The following CNTNAP2 variants were observed in gnomAD, a reference collection of about 807,000 sequenced individuals.
CNTNAP2 encodes contactin associated protein 2, also known as contactin-associated protein-like 2.
A neutral mutation model predicts 155.2 loss-of-function variants in CNTNAP2; 98 were observed. The ratio of observed to expected loss-of-function variants is 0.63; its 90% confidence interval spans 0.54 to 0.75. The LOEUF (loss-of-function observed/expected upper bound fraction) is 0.75, where lower values mean the gene tolerates loss of function less well. Among genes scored for constraint, CNTNAP2 ranks in the 30% least tolerant of loss-of-function variants. CNTNAP2 has a pLI of 0.00. For synonymous variants in CNTNAP2, 651 were observed against 631.2 expected (o/e 1.03, Z -0.47); for missense variants, 1,727 against 1,688.1 (o/e 1.02, Z -0.40).
At chr7:146,806,893 T>A (rs1802977032) in intron 2 of CNTNAP2, among the ~76,000 whole-genome samples, 1 of 152,194 alleles carries the variant, frequency 6.6e-6, no homozygotes, top group Admixed American at 6.5e-5. Flanking sequence ...TTCTGTTTTA[T>A]CTGTAAAAGT....
intron 22 of CNTNAP2, among the ~76,000 whole-genome samples, chr7:148,387,161 T>G (rs1799230175): frequency 6.6e-6 from 1 of 152,186 alleles, no homozygotes; most frequent in Non-Finnish European, 1.5e-5. Context: ...CAAGAAGGCT[T>G]CTTTCTGCAC....
At chr7:147,447,434 G>C (rs934810322) in intron 10 of CNTNAP2, among the ~76,000 whole-genome samples, 1 of 152,080 alleles carries the variant, frequency 6.6e-6, no homozygotes, top group Non-Finnish European at 1.5e-5. Context: ...GGTTTGTTTT[G>C]AGATGGAGTC....
intron 13 of CNTNAP2, among the ~76,000 whole-genome samples, chr7:147,869,835 T>C (rs1385034704): frequency 6.6e-6 from 1 of 152,206 alleles, no homozygotes; most frequent in Non-Finnish European, 1.5e-5. Flanking sequence ...CAACTTACAA[T>C]TTAACCTAGA....
intron 22 of CNTNAP2, among the ~76,000 whole-genome samples, chr7:148,396,413 G>A (rs1042667116): frequency 2.6e-5 from 4 of 152,106 alleles, no homozygotes; most frequent in Admixed American, 6.5e-5. Flanking sequence ...AGCACTCAGA[G>A]GAGCACAACA....
chr7:146,826,855 TATAGAG>T (rs1334852639), intron 2 of CNTNAP2, among the ~76,000 whole-genome samples: 1 of 140,062 alleles, frequency 7.1e-6, no homozygotes, highest in Non-Finnish European at 1.5e-5. Context: ...TATATATATA[TATAGAG>T]AGAGAGAGAG....
chr7:147,911,411 C>T (rs981256876), intron 14 of CNTNAP2, among the ~76,000 whole-genome samples: 1 of 152,118 alleles, frequency 6.6e-6, no homozygotes, highest in South Asian at 2.1e-4. Flanking sequence ...TTTAACATTC[C>T]ATAAGGAGGG....
At chr7:146,518,559 A>G (rs1797573510) in intron 1 of CNTNAP2, among the ~76,000 whole-genome samples, 1 of 151,820 alleles carries the variant, frequency 6.6e-6, no homozygotes, top group Admixed American at 6.6e-5. Context: ...GCTTATTTGG[A>G]GGAAATTGCT....
chr7:148,166,692 C>T (rs1273023742), intron 17 of CNTNAP2, among the ~76,000 whole-genome samples: 2 of 152,196 alleles, frequency 1.3e-5, no homozygotes, highest in Non-Finnish European at 2.9e-5. Context: ...AAACCCACAT[C>T]TCACCTTGGA....
In CNTNAP2 at chr7:146,277,146, G is replaced by A. The variant is rs558121803; in HGVS notation, c.97+160173G>A. Among the ~76,000 whole-genome samples, 11 of 152,170 alleles carry A rather than the reference G, an allele frequency of 7.2e-5. No homozygotes were observed. In the East Asian group the frequency reaches 9.7e-4, roughly 13 times the overall value. On this transcript the variant is annotated intron_variant, in intron 1 of 23. Transcript: ENST00000361727. ...TGCACATATGTAGCCACAAACCAAC[G>A]GAGGCCTGGAGCAACCAGAGGCTGG...
At chr7:148,265,973 A>G (rs1038227426) in intron 20 of CNTNAP2, among the ~76,000 whole-genome samples, 1 of 152,180 alleles carries the variant, frequency 6.6e-6, no homozygotes, top group African/African-American at 2.4e-5. Context: ...ATCTTTGCTC[A>G]TCTGAAGGAC....
intron 1 of CNTNAP2, among the ~76,000 whole-genome samples, chr7:146,496,505 G>T (rs1797217015): frequency 6.6e-6 from 1 of 152,090 alleles, no homozygotes; most frequent in Admixed American, 6.6e-5. Flanking sequence ...CAATGAACTA[G>T]AATAAAATAG....
intron 1 of CNTNAP2, among the ~76,000 whole-genome samples, chr7:146,758,793 G>A (rs749477238): frequency 8.5e-5 from 13 of 152,242 alleles, no homozygotes; most frequent in East Asian, 1.9e-4. Context: ...GGGACACAGC[G>A]AAATCATATC....
chr7:146,332,097 T>C (rs1343728358), intron 1 of CNTNAP2, among the ~76,000 whole-genome samples: 1 of 151,978 alleles, frequency 6.6e-6, no homozygotes, highest in Non-Finnish European at 1.5e-5. Flanking sequence ...ATATATATGG[T>C]ATATTTATGC....
At chr7:147,514,393 A>G (rs1454168460) in intron 11 of CNTNAP2, among the ~76,000 whole-genome samples, 3 of 151,960 alleles carry the variant, frequency 2.0e-5, no homozygotes, top group Non-Finnish European at 4.4e-5. Flanking sequence ...ATGTGTATGC[A>G]TTTTAAATAG....
rs953578169 is a variant in CNTNAP2 at position 147,786,001 on chromosome 7, G to A, written c.2099-117564G>A. ...AGTGAGACTCTGTCTCAAAAAGAAA[G>A]AAAAGAAAGGCCAGGCACGGTGGCT... On this transcript the variant is annotated intron_variant, in intron 13 of 23. Coordinates refer to ENST00000361727, the MANE Select transcript of CNTNAP2 (RefSeq NM_014141.6). 4.6e-5 allele frequency among the ~76,000 whole-genome samples: 7 copies of A among 150,890 alleles called. No individual in the cohort carries two copies. In the South Asian group the frequency reaches 6.3e-4, roughly 14 times the overall value.
At chr7:148,025,751 T>C (rs1275383453) in intron 15 of CNTNAP2, among the ~76,000 whole-genome samples, 1 of 152,210 alleles carries the variant, frequency 6.6e-6, no homozygotes, top group Non-Finnish European at 1.5e-5. Flanking sequence ...CAGGTTATAA[T>C]TGGATCATGA....
chr7:148,323,120 C>T (rs1433883002), intron 21 of CNTNAP2, among the ~76,000 whole-genome samples: 1 of 151,930 alleles, frequency 6.6e-6, no homozygotes, highest in African/African-American at 2.4e-5. Flanking sequence ...ACAATCCTGT[C>T]CTATCACCCC....
At chr7:146,359,377 G>C (rs1012421135) in intron 1 of CNTNAP2, among the ~76,000 whole-genome samples, 3 of 152,208 alleles carry the variant, frequency 2.0e-5, no homozygotes, top group Non-Finnish European at 4.4e-5. Context: ...GTGGAAATCA[G>C]GCACTTGGCT....
At chr7:146,898,367 A>T (rs151322691) in intron 3 of CNTNAP2, among the ~76,000 whole-genome samples, 41 of 152,226 alleles carry the variant, frequency 2.7e-4, no homozygotes, top group Non-Finnish European at 3.8e-4. Flanking sequence ...CTCAGGAAGG[A>T]TCTAAGCTAT....
Sources: allele counts gnomAD v4.1 joint callset (sites outside exome capture counted in the v4.1 genomes callset), GRCh38; gene constraint gnomAD v4.1.1; transcripts MANE v1.5; gene names NCBI Gene and HGNC (gene_info 2026-07-23, HGNC 2026-07-21).